CDC73: variants seen among roughly 807,000 people sequenced by gnomAD.
CDC73 encodes parafibromin.
A neutral mutation model predicts 83.7 loss-of-function variants in CDC73; 21 were observed. The observed-to-expected ratio is 0.25, with a 90% CI of 0.18 to 0.36. The LOEUF (loss-of-function observed/expected upper bound fraction) is 0.36. Ranked by LOEUF, CDC73 falls within the 10% of genes least tolerant of loss-of-function variation. The pLI is 1.00. For synonymous variants in CDC73, 224 were observed against 212.9 expected (o/e 1.05, Z -0.45); for missense variants, 342 against 653.3 (o/e 0.52, Z 5.19).
chr1:193,208,743 T>C (rs1239441583), intron 11 of CDC73, among the ~76,000 whole-genome samples: 1 of 152,186 alleles, frequency 6.6e-6, no homozygotes, highest in African/African-American at 2.4e-5. Context: ...ATTTGTAACC[T>C]CATCTCCTGC....
intron 12 of CDC73, 106 bp downstream of exon 12, chr1:193,212,206 A>G: frequency 2.0e-6 from 2 of 984,196 alleles, no homozygotes; most frequent in South Asian, 1.5e-5. Flanking sequence ...TGTGCTTGGT[A>G]TCCATTCTGA....
intron 11 of CDC73, among the ~76,000 whole-genome samples, chr1:193,206,710 A>G (rs1385276966): frequency 6.6e-6 from 1 of 152,212 alleles, no homozygotes; most frequent in Non-Finnish European, 1.5e-5. Flanking sequence ...TAATTTGGAA[A>G]TGAGAGACTG....
chr1:193,180,950 T>C (rs549154183), intron 10 of CDC73: 6 of 1,613,578 alleles, frequency 3.7e-6, no homozygotes, highest in South Asian at 2.2e-5. Flanking sequence ...TCTTCCAGTA[T>C]TGCACGTTGA....
chr1:193,170,013 C>T (rs1325533740), intron 10 of CDC73, among the ~76,000 whole-genome samples: 1 of 152,054 alleles, frequency 6.6e-6, no homozygotes, highest in Non-Finnish European at 1.5e-5. Flanking sequence ...GTATTATCAT[C>T]ATTTAGCTGC....
At position 193,252,681 on chromosome 1, in the gene CDC73, T is replaced by G. The variant is rs1488265476; in HGVS notation, c.*1969T>G. The G allele has an allele frequency of 4.3e-6, 1 of 231,402 alleles. No individual in the cohort carries two copies. Among genetic ancestry groups the G allele is most frequent in the African/African-American group, 2.2e-5 (1 of 45,274 alleles). 14.3% of individuals were successfully genotyped at this position (231,402 alleles called of 1,614,324 possible). A position where few individuals can be genotyped will look rare whatever the true frequency, so the allele number is the denominator to read the frequency against. On this transcript the variant is annotated 3_prime_UTR_variant, in exon 17 of 17. Transcript: ENST00000367435. ...TAAGCACCTCTTTTTCTTTTCCTCT[T>G]TGACAATTTAGTCTCTTATTTAGGT...
At chr1:193,150,018 T>G (rs1006497388) in intron 8 of CDC73, among the ~76,000 whole-genome samples, 1 of 152,172 alleles carries the variant, frequency 6.6e-6, no homozygotes, top group African/African-American at 2.4e-5. Flanking sequence ...GGCTCATGCC[T>G]GTAATCTTAG....
chr1:193,229,045 T>C (rs115342771), intron 13 of CDC73, among the ~76,000 whole-genome samples: 271 of 152,210 alleles, frequency 1.8e-3, no homozygotes, highest in African/African-American at 6.0e-3. Flanking sequence ...GAAGTAAAAA[T>C]TAAAATGATG....
intron 11 of CDC73, among the ~76,000 whole-genome samples, chr1:193,204,249 GTGTA>G (rs1249590743): frequency 4.9e-4 from 58 of 117,270 alleles, no homozygotes; most frequent in African/African-American, 1.7e-3. Context: ...GTATATATAT[GTGTA>G]TGTGTGTGTG....
At chr1:193,181,583 G>T in intron 10 of CDC73, 1 of 1,537,418 alleles carries the variant, frequency 6.5e-7, no homozygotes, top group Non-Finnish European at 8.7e-7. Flanking sequence ...TCCAGTAGTG[G>T]TATATGAGAG....
chr1:193,188,953 CTG>C (rs1228331771), intron 10 of CDC73, among the ~76,000 whole-genome samples: 2 of 149,400 alleles, frequency 1.3e-5, no homozygotes, highest in African/African-American at 2.5e-5. Flanking sequence ...TTCTGTCTGT[CTG>C]TTTTTTTTTT....
At chr1:193,176,337 T>C (rs1365626062) in intron 10 of CDC73, among the ~76,000 whole-genome samples, 1 of 152,226 alleles carries the variant, frequency 6.6e-6, no homozygotes, top group Non-Finnish European at 1.5e-5. Context: ...ACACAAGAAC[T>C]GTTTTGCTTT....
intron 13 of CDC73, among the ~76,000 whole-genome samples, chr1:193,224,658 CACATATATGAAATATGCATTCATATATGT>C (rs1467659786): frequency 6.6e-6 from 1 of 151,978 alleles, no homozygotes; most frequent in Non-Finnish European, 1.5e-5. Context: ...TTCGCATATA[CACATATATGAAATATGCATTCATATATGT>C]ACATATATGA....
intron 15 of CDC73, among the ~76,000 whole-genome samples, chr1:193,243,399 G>A (rs1351291215): frequency 6.6e-6 from 1 of 152,126 alleles, no homozygotes; most frequent in Non-Finnish European, 1.5e-5. Context: ...TTAAAAATTA[G>A]TGACTTACAC....
At chr1:193,193,582 A>C (rs1676953469) in intron 10 of CDC73, among the ~76,000 whole-genome samples, 1 of 152,156 alleles carries the variant, frequency 6.6e-6, no homozygotes, top group Non-Finnish European at 1.5e-5. Flanking sequence ...TTAGTGAGCC[A>C]AAAAAAGAAA....
At chr1:193,234,443 T>A (rs1436968604) in intron 14 of CDC73, among the ~76,000 whole-genome samples, 1 of 150,960 alleles carries the variant, frequency 6.6e-6, no homozygotes, top group African/African-American at 2.4e-5. Flanking sequence ...GATATCAAGC[T>A]TAAAACCAAG....
intron 2 of CDC73, among the ~76,000 whole-genome samples, chr1:193,127,096 T>C (rs531625818): frequency 3.3e-5 from 5 of 151,938 alleles, no homozygotes; most frequent in Admixed American, 1.3e-4. Flanking sequence ...TAGGGAAACT[T>C]TGTTAAAACA....
chr1:193,194,013 A>G (rs1307361835), intron 10 of CDC73, among the ~76,000 whole-genome samples: 1 of 152,170 alleles, frequency 6.6e-6, no homozygotes, highest in Non-Finnish European at 1.5e-5. Context: ...AGCTAAACTA[A>G]TAACTGATTA....
At chr1:193,186,499 CGT>C (rs952145593) in intron 10 of CDC73, 2 of 152,524 alleles carry the variant, frequency 1.3e-5, no homozygotes, top group Admixed American at 1.3e-4. Context: ...TCTCTTCTTT[CGT>C]TGTTGCCTGG....
intron 15 of CDC73, among the ~76,000 whole-genome samples, chr1:193,247,786 CCTAA>C (rs1677979275): frequency 6.6e-6 from 1 of 152,016 alleles, no homozygotes; most frequent in African/African-American, 2.4e-5. Flanking sequence ...TGAGCAGTGC[CCTAA>C]CTCTCTTCAG....
Sources: gnomAD v4.1 joint callset for allele counts (sites outside exome capture counted in the v4.1 genomes callset) on GRCh38, gnomAD v4.1.1 for gene constraint, MANE v1.5 for transcripts, NCBI Gene and HGNC (gene_info 2026-07-23, HGNC 2026-07-21) for gene names.